KRT8: variants seen among roughly 807,000 people sequenced by gnomAD.
The protein encoded by KRT8 is keratin 8.
KRT8 carries 24 observed loss-of-function variants against 43.0 expected under a neutral mutation model. That is an observed-to-expected ratio of 0.56 (90% CI 0.40 to 0.78). The LOEUF is 0.78. Among genes scored for constraint, KRT8 ranks in the 30% least tolerant of loss-of-function variants. The pLI, the probability that KRT8 is intolerant of heterozygous loss-of-function variation, is 0.00. For synonymous variants in KRT8, 214 were observed against 261.2 expected, an observed-to-expected ratio of 0.82 and a Z score of 1.74; for missense variants, 492 against 638.4, an observed-to-expected ratio of 0.77 and a Z score of 2.47.
chr12:52,918,486 G>T (rs756949226), intron 2 of KRT8, among the ~76,000 whole-genome samples: 2 of 152,142 alleles, frequency 1.3e-5, no homozygotes, highest in African/African-American at 2.4e-5. Context: ...TCTGAGCCCC[G>T]CCAGACAGAC....
chr12:52,910,473 T>C (rs559941332), upstream of KRT8, among the ~76,000 whole-genome samples: 117 of 152,262 alleles, frequency 7.7e-4, no homozygotes, highest in African/African-American at 2.7e-3. Flanking sequence ...AACAGAGTGG[T>C]TCAGTCCCCA....
chr12:52,907,547 T>C (rs1941547105), upstream of KRT8, among the ~76,000 whole-genome samples: 1 of 152,190 alleles, frequency 6.6e-6, no homozygotes, highest in Non-Finnish European at 1.5e-5. Context: ...TCCCTGGTTC[T>C]AGGAGTGTCC....
chr12:52,938,759 A>T (rs1942220266), intron 2 of KRT8, among the ~76,000 whole-genome samples: 1 of 152,100 alleles, frequency 6.6e-6, no homozygotes, highest in South Asian at 2.1e-4. Flanking sequence ...CTGGGACTAC[A>T]GGTGCCTGCC....
At chr12:52,945,707 A>T (rs1942332730) in intron 2 of KRT8, among the ~76,000 whole-genome samples, 1 of 152,092 alleles carries the variant, frequency 6.6e-6, no homozygotes, top group Non-Finnish European at 1.5e-5. Flanking sequence ...TGGACGCTGG[A>T]ATGCAGGACT....
At chr12:52,938,172 T>TATATA (rs1565733045) in intron 2 of KRT8, among the ~76,000 whole-genome samples, 7 of 22,398 alleles carry the variant, frequency 3.1e-4, no homozygotes, top group African/African-American at 8.6e-4. Context: ...ATATATATAT[T>TATATA]TTTTTTTTTT....
chr12:52,912,779 G>C (rs761540774), intron 2 of KRT8, among the ~76,000 whole-genome samples: 6 of 152,236 alleles, frequency 3.9e-5, no homozygotes, highest in Admixed American at 1.3e-4. Context: ...TGTGTGGCAG[G>C]CTGGGGCAAA....
chr12:52,899,981 T>C lies in KRT8; in HGVS notation c.775A>G (p.Ile259Val), dbSNP rs1427444497. ...TACTGTGCCTTGACCTCAGCAATGA[T>C]GCTGTCCATGTCCAGGGAGCGGCTG... Residue 259 changes from isoleucine (I) to valine (V), a missense_variant, in exon 5 of 8, where the codon ATC (isoleucine) becomes GTC (valine). Ile to Val is a conservative substitution (Grantham distance 29). Coordinates refer to ENST00000692008, the Ensembl canonical transcript of KRT8. 9 of 1,613,424 alleles carry C rather than the reference T, an allele frequency of 5.6e-6. No homozygotes were observed. The South Asian group carries it at 9.9e-5, about 18-fold the overall frequency.
chr12:52,908,332 G>A (rs1173103690), upstream of KRT8, among the ~76,000 whole-genome samples: 1 of 152,116 alleles, frequency 6.6e-6, no homozygotes, highest in Admixed American at 6.6e-5. Context: ...ATCTGAACAA[G>A]TTTTGCTTAG....
chr12:52,945,134 G>A (rs896961345), intron 2 of KRT8, among the ~76,000 whole-genome samples: 2 of 152,200 alleles, frequency 1.3e-5, no homozygotes, highest in Admixed American at 1.3e-4. Context: ...TTCCACCCCA[G>A]ATTCCTTTTC....
intron 1 of KRT8, among the ~76,000 whole-genome samples, chr12:52,903,116 C>T (rs185668627): frequency 2.0e-5 from 3 of 152,240 alleles, no homozygotes; most frequent in African/African-American, 7.2e-5. Context: ...CGCTTTCTTC[C>T]CCAGGTCATT....
exon 8 of KRT8, chr12:52,897,502 C>A (rs926198369): frequency 1.3e-6 from 2 of 1,598,996 alleles, no homozygotes; most frequent in Admixed American, 1.7e-5. Flanking sequence ...ACAACCACGG[C>A]CCTGGAGGAG....
At chr12:52,901,805 C>T (rs1941376505) in intron 2 of KRT8, 59 bp downstream of exon 2, 2 of 1,206,942 alleles carry the variant, frequency 1.7e-6, no homozygotes, top group South Asian at 2.4e-5. Context: ...GTCCCAAGGT[C>T]CCAAGGGGTG....
intron 2 of KRT8, among the ~76,000 whole-genome samples, chr12:52,930,798 A>G (rs1336060982): frequency 7.0e-6 from 1 of 142,726 alleles, no homozygotes. Context: ...GGGCTCAAGC[A>G]ATCCTCCCAC....
At chr12:52,936,096 A>T (rs188560831) in intron 2 of KRT8, among the ~76,000 whole-genome samples, 1,532 of 151,992 alleles carry the variant, frequency 0.01, 11 homozygotes, top group Non-Finnish European at 0.015. Flanking sequence ...TACTCAAAAT[A>T]CAAAAATTAG....
chr12:52,901,895 T>C (rs751616077), exon 2 of KRT8: 1 of 1,611,772 alleles, frequency 6.2e-7, no homozygotes, highest in South Asian at 1.1e-5. Flanking sequence ...AGCCCCTGCA[T>C]GTTGCCAAGC....
intron 2 of KRT8, chr12:52,949,275 C>T (rs78343594): frequency 2.4e-5 from 38 of 1,554,774 alleles, no homozygotes; most frequent in Non-Finnish European, 3.2e-5. Context: ...GCGCGGCCAG[C>T]GTCTATGCAG....
intron 2 of KRT8, among the ~76,000 whole-genome samples, chr12:52,936,303 G>T (rs1413430700): frequency 6.6e-6 from 1 of 151,954 alleles, no homozygotes; most frequent in African/African-American, 2.4e-5. Context: ...TTGTGACCTT[G>T]AGATAGGCAA....
intron 2 of KRT8, among the ~76,000 whole-genome samples, chr12:52,945,834 C>T (rs935732060): frequency 5.3e-5 from 8 of 152,082 alleles, no homozygotes; most frequent in African/African-American, 1.7e-4. Context: ...CACCCTTTCC[C>T]GGGACTGTCC....
upstream of KRT8, among the ~76,000 whole-genome samples, chr12:52,911,273 A>G (rs550001314): frequency 3.9e-3 from 592 of 151,918 alleles, 1 homozygote; most frequent in Non-Finnish European, 6.7e-3. Flanking sequence ...AATCGCTTGA[A>G]CCCAGGAGGC....
Sources: gnomAD v4.1 joint callset for allele counts (sites outside exome capture counted in the v4.1 genomes callset) on GRCh38, gnomAD v4.1.1 for gene constraint, MANE v1.5 for transcripts, NCBI Gene and HGNC (gene_info 2026-07-23, HGNC 2026-07-21) for gene names.